Variants in ALPK1 observed in about 807,000 individuals in gnomAD.
The protein encoded by ALPK1 is alpha kinase 1, also known as alpha-protein kinase 1.
In ALPK1, 110 loss-of-function variants were observed where a neutral mutation model predicts 120.6. The observed-to-expected ratio is 0.91, with a 90% CI of 0.78 to 1.07. ALPK1 has a LOEUF of 1.07. Among genes scored for constraint, ALPK1 ranks in the 50% least tolerant of loss-of-function variants. ALPK1 has a pLI of 0.00. For missense variants in ALPK1, 1,498 were observed against 1,483.9 expected (o/e 1.01, Z -0.16); for synonymous variants, 582 against 560.3 (o/e 1.04, Z -0.55).
intron 14 of ALPK1, 49 bp downstream of exon 14, chr4:112,439,921 T>G: frequency 6.9e-7 from 1 of 1,453,618 alleles, no homozygotes. Context: ...TATGTAAATG[T>G]GAAGTTTTGT....
intron 2 of ALPK1, among the ~76,000 whole-genome samples, chr4:112,344,442 A>C (rs1730017439): frequency 1.3e-5 from 2 of 152,196 alleles, no homozygotes. Flanking sequence ...GGAGTTTGAT[A>C]ATTTGGATCA....
At chr4:112,399,104 T>C (rs1160758425) in intron 4 of ALPK1, among the ~76,000 whole-genome samples, 2 of 152,130 alleles carry the variant, frequency 1.3e-5, no homozygotes, top group African/African-American at 4.8e-5. Flanking sequence ...AACAGGATGG[T>C]ATTTAAACGT....
At chr4:112,427,860 G>A (rs1433329607) in intron 9 of ALPK1, 195 bp downstream of exon 9, 5 of 510,098 alleles carry the variant, frequency 9.8e-6, no homozygotes, top group Non-Finnish European at 1.8e-5. Context: ...GCCTAGCACT[G>A]TAACAGACAC....
At chr4:112,315,351 A>G (rs1034946287) in intron 1 of ALPK1, among the ~76,000 whole-genome samples, 1 of 152,190 alleles carries the variant, frequency 6.6e-6, no homozygotes, top group Non-Finnish European at 1.5e-5. Flanking sequence ...AGGAGATAAG[A>G]TGTCAACCCC....
chr4:112,353,446 A>G (rs2148712189), intron 2 of ALPK1, among the ~76,000 whole-genome samples: 1 of 152,346 alleles, frequency 6.6e-6, no homozygotes, highest in Non-Finnish European at 1.5e-5. Flanking sequence ...ACACTGGGTC[A>G]GTGAGTGTGC....
chr4:112,407,654 G>T (rs1257231121), intron 4 of ALPK1, among the ~76,000 whole-genome samples: 1 of 152,200 alleles, frequency 6.6e-6, no homozygotes, highest in East Asian at 1.9e-4. Context: ...CATAGTGTGT[G>T]TGAACATTTT....
At chr4:112,376,747 C>T (rs1731679915) in intron 2 of ALPK1, among the ~76,000 whole-genome samples, 1 of 152,198 alleles carries the variant, frequency 6.6e-6, no homozygotes, top group South Asian at 2.1e-4. Context: ...ACTTTCTTCC[C>T]TTTCAGACTC....
intron 1 of ALPK1, among the ~76,000 whole-genome samples, chr4:112,309,611 T>A (rs1728306398): frequency 6.6e-6 from 1 of 152,096 alleles, no homozygotes; most frequent in Non-Finnish European, 1.5e-5. Context: ...ATCACCCGTC[T>A]TCTGCATTGC....
intron 1 of ALPK1, among the ~76,000 whole-genome samples, chr4:112,303,580 C>T (rs574825543): frequency 6.6e-6 from 1 of 152,268 alleles, no homozygotes; most frequent in East Asian, 1.9e-4. Context: ...ACCGTGATCT[C>T]CTCCGTCTCT....
chr4:112,359,058 C>G (rs566829306), intron 2 of ALPK1: 7 of 758,134 alleles, frequency 9.2e-6, no homozygotes, highest in South Asian at 1.3e-5. Flanking sequence ...GCAGCGGACA[C>G]AGCCAGCCCT....
At chr4:112,353,420 A>G (rs1317747178) in intron 2 of ALPK1, among the ~76,000 whole-genome samples, 1 of 152,216 alleles carries the variant, frequency 6.6e-6, no homozygotes, top group Non-Finnish European at 1.5e-5. Flanking sequence ...AAATTAGAGT[A>G]TATACTTAAG....
chr4:112,322,414 C>G (rs1184970621), intron 2 of ALPK1, among the ~76,000 whole-genome samples: 2 of 152,046 alleles, frequency 1.3e-5, no homozygotes, highest in Non-Finnish European at 2.9e-5. Flanking sequence ...GAAATATTTC[C>G]AACTTATCAA....
chr4:112,325,807 T>G (rs116504196), intron 2 of ALPK1, among the ~76,000 whole-genome samples: 1,697 of 152,296 alleles, frequency 0.011, 18 homozygotes, highest in Middle Eastern at 0.024. Flanking sequence ...ATTTGAGTTT[T>G]TAAGCAACCA....
intron 2 of ALPK1, chr4:112,359,527 G>A: frequency 3.9e-6 from 1 of 254,588 alleles, no homozygotes; most frequent in East Asian, 9.6e-5. Context: ...GAGCCGCCAG[G>A]ACCCCAAGAG....
At chr4:112,324,103 G>A (rs530722668) in intron 2 of ALPK1, among the ~76,000 whole-genome samples, 5 of 152,186 alleles carry the variant, frequency 3.3e-5, no homozygotes, top group South Asian at 2.1e-4. Flanking sequence ...CAAGGCGGGC[G>A]GATCACGAGG....
chr4:112,322,538 A>G (rs772083355), intron 2 of ALPK1, among the ~76,000 whole-genome samples: 2 of 152,260 alleles, frequency 1.3e-5, no homozygotes, highest in Non-Finnish European at 2.9e-5. Flanking sequence ...ACTATGTGCT[A>G]GGAGTTATTC....
intron 2 of ALPK1, among the ~76,000 whole-genome samples, chr4:112,333,786 T>C (rs1729491594): frequency 6.6e-6 from 1 of 152,224 alleles, no homozygotes; most frequent in African/African-American, 2.4e-5. Flanking sequence ...TGTAAGCCCA[T>C]TCTCGTGTAG....
At chr4:112,357,682 G>A (rs1282582393) in intron 2 of ALPK1, 32 of 1,597,436 alleles carry the variant, frequency 2.0e-5, no homozygotes, top group Non-Finnish European at 2.1e-5. Flanking sequence ...AGGCCCCGAC[G>A]GAGCCCAGTT....
chr4:112,435,527 T>G (rs1276930498), intron 12 of ALPK1, among the ~76,000 whole-genome samples: 3 of 152,116 alleles, frequency 2.0e-5, no homozygotes, highest in Non-Finnish European at 4.4e-5. Context: ...CTACAGGACC[T>G]CAAAACCATC....
Sources: gnomAD v4.1 joint callset for allele counts (sites outside exome capture counted in the v4.1 genomes callset) on GRCh38, gnomAD v4.1.1 for gene constraint, MANE v1.5 for transcripts, NCBI Gene and HGNC (gene_info 2026-07-23, HGNC 2026-07-21) for gene names.